The following ADAM22 variants were observed in gnomAD, a reference collection of about 807,000 sequenced individuals.
ADAM22 encodes disintegrin and metalloproteinase domain-containing protein 22.
ADAM22 carries 65 observed loss-of-function variants against 144.6 expected under a neutral mutation model. The observed-to-expected ratio is 0.45, with a 90% confidence interval of 0.37 to 0.55. ADAM22 has a LOEUF of 0.55. Among genes scored for constraint, ADAM22 ranks in the 20% least tolerant of loss-of-function variants. The pLI is 0.00. For missense variants in ADAM22, 974 were observed against 1,184.9 expected (o/e 0.82, Z 2.61); for synonymous variants, 391 against 412.6 (o/e 0.95, Z 0.63).
chr7:88,104,855 A>AATG (rs1439574740), intron 4 of ADAM22, among the ~76,000 whole-genome samples: 1 of 152,080 alleles, frequency 6.6e-6, no homozygotes, highest in Non-Finnish European at 1.5e-5. Flanking sequence ...AACATTTAAT[A>AATG]ATGATTCAAC....
intron 2 of ADAM22, among the ~76,000 whole-genome samples, chr7:87,937,049 G>T (rs1841404284): frequency 6.6e-6 from 1 of 152,076 alleles, no homozygotes; most frequent in African/African-American, 2.4e-5. Context: ...TTGACCTCTT[G>T]GGCCCCAGTG....
chr7:88,126,832 G>T (rs868763148), intron 8 of ADAM22, among the ~76,000 whole-genome samples: 1 of 151,824 alleles, frequency 6.6e-6, no homozygotes, highest in Non-Finnish European at 1.5e-5. Context: ...TCAGATGAGA[G>T]ATACTTAACC....
rs184080747 is a variant in ADAM22 at position 87,993,221 on chromosome 7, C to T, written c.323+14809C>T. ...TCCACAGCCTTGCTGAAAAGAGAAC[C>T]CTCTAACTACTAAATGTACACCCCT... On this transcript the variant is annotated intron_variant, in intron 3 of 31. Coordinates refer to ENST00000413139, the MANE Select transcript of ADAM22 (RefSeq NM_001324418.2). Among the ~76,000 whole-genome samples the T allele has an allele frequency of 2.8e-3, 432 of 152,214 alleles. 4 individuals are homozygous for T. The highest frequency in any genetic ancestry group is 5.2e-3 in the Non-Finnish European group (353 of 68,004).
At position 87,935,163 on chromosome 7, in the gene ADAM22, C is replaced by T. The variant is rs750181646; in HGVS notation, c.223C>T (p.Arg75Trp). The T allele has an allele frequency of 6.2e-7, 1 of 1,609,968 alleles. No individual in the cohort carries two copies. Among genetic ancestry groups the T allele is most frequent in the East Asian group, 2.2e-5 (1 of 44,758 alleles). ...GCACGACGCGCTCGACACGCGGGTG[C>T]GGGGCGACCTCGGTGGCCCGCAGGT... ...SRHDALDTRV[R>W]GDLGGPQLTH... The change falls in exon 2 of 32, where the codon CGG becomes TGG. Residue 75 changes from arginine to tryptophan, a missense_variant. Physicochemically the swap from Arg to Trp is moderately radical, Grantham distance 101. Transcript: ENST00000413139.
At chr7:88,063,990 T>C (rs1810551763) in intron 3 of ADAM22, among the ~76,000 whole-genome samples, 2 of 152,080 alleles carry the variant, frequency 1.3e-5, no homozygotes, top group South Asian at 2.1e-4. Context: ...ATGTGAGATA[T>C]AGGAAACAGT....
intron 2 of ADAM22, among the ~76,000 whole-genome samples, chr7:87,939,526 T>G (rs1047626800): frequency 2.0e-5 from 3 of 152,230 alleles, no homozygotes; most frequent in African/African-American, 7.2e-5. Flanking sequence ...ACTGTAGCTG[T>G]GTACTTTAGT....
intron 4 of ADAM22, among the ~76,000 whole-genome samples, chr7:88,095,937 C>A (rs1050192584): frequency 7.5e-6 from 1 of 134,156 alleles, no homozygotes; most frequent in Admixed American, 7.6e-5. Context: ...CCCCACCCCC[C>A]CTTTTTTTAA....
chr7:88,009,293 T>A lies in ADAM22; in HGVS notation c.323+30881T>A, dbSNP rs186507702. Among the ~76,000 whole-genome samples, 38 of 152,322 alleles carry A rather than the reference T, an allele frequency of 2.5e-4. No individual in the cohort carries two copies. The East Asian group carries it at 6.6e-3, about 26-fold the overall frequency. ...TCACAAGTCAGTCAGAAATTTAAAT[T>A]TTCTGGTATGCTCGTATGATTAACT... On this transcript the variant is annotated intron_variant, in intron 3 of 31. Transcript: ENST00000413139.
Position 87,978,327 on chromosome 7 carries a change from A to G in ADAM22, c.247-9A>G, listed in dbSNP as rs900038346. The G allele has an allele frequency of 1.9e-6, 3 of 1,607,360 alleles. No homozygotes were observed. The highest frequency in any genetic ancestry group is 1.7e-6 in the Non-Finnish European group (2 of 1,177,048). On this transcript the variant is annotated splice_polypyrimidine_tract_variant and intron_variant, in intron 2 of 31. Coordinates refer to ENST00000413139, the MANE Select transcript of ADAM22 (RefSeq NM_001324418.2). ...TAATAAATAACCTTTTTTCTTTTTG[A>G]TATTGTAGTTGACTCATGTTGACCA...
chr7:88,155,966 T>A lies in ADAM22; in HGVS notation c.1867T>A (p.Ser623Thr). 6.2e-7 allele frequency: 1 copy of A among 1,613,226 alleles called. No individual in the cohort carries two copies. Among genetic ancestry groups the A allele is most frequent in the South Asian group, 1.1e-5 (1 of 91,044 alleles). The change falls in exon 22 of 32, where the codon TCT (serine) becomes ACT (threonine). Residue 623 changes from serine (S) to threonine (T), a missense_variant. Transcript: ENST00000413139. ...TGGAGAACTCGATGGTGAAATCACATCTACTTTAGTTGTGCAGCAAGGAAG... is the reference window on the plus strand; with the variant it reads ...TGGAGAACTCGATGGTGAAATCACAACTACTTTAGTTGTGCAGCAAGGAAG... Reference protein sequence around the residue: ...RLGELDGEITSTLVVQQGRTL... With the variant: ...RLGELDGEITTTLVVQQGRTL...
chr7:87,960,949 A>G (rs553908105), intron 2 of ADAM22, among the ~76,000 whole-genome samples: 1 of 152,334 alleles, frequency 6.6e-6, no homozygotes, highest in African/African-American at 2.4e-5. Context: ...ATAATAAAAA[A>G]AATTCTTTCT....
intron 2 of ADAM22, among the ~76,000 whole-genome samples, chr7:87,963,714 G>A (rs1848475486): frequency 6.6e-6 from 1 of 152,168 alleles, no homozygotes; most frequent in African/African-American, 2.4e-5. Context: ...AGGCTGAGCA[G>A]CTAATCAGAG....
At chr7:87,952,928 G>A (rs561249056) in intron 2 of ADAM22, among the ~76,000 whole-genome samples, 2,484 of 152,182 alleles carry the variant, frequency 0.016, 71 homozygotes, top group African/African-American at 0.057. Flanking sequence ...GTTTATTTGT[G>A]TAGAGGTGTT....
At chr7:88,088,668 T>C in intron 4 of ADAM22, among the ~76,000 whole-genome samples, 1 of 152,164 alleles carries the variant, frequency 6.6e-6, no homozygotes, top group East Asian at 1.9e-4. Flanking sequence ...TCTCAAATTG[T>C]ATTCAGGATT....
At chr7:87,963,037 T>C (rs1848325360) in intron 2 of ADAM22, among the ~76,000 whole-genome samples, 1 of 152,192 alleles carries the variant, frequency 6.6e-6, no homozygotes, top group African/African-American at 2.4e-5. Context: ...TATTATTGTC[T>C]TGTAAGATAA....
rs569106665 is a variant in ADAM22 at position 88,091,178 on chromosome 7, G to A, written c.390+15486G>A. 4.5e-4 allele frequency among the ~76,000 whole-genome samples: 68 copies of A among 152,136 alleles called. 1 individual carries two copies. The highest frequency in any genetic ancestry group is 2.1e-3 in the South Asian group (10 of 4,820). On this transcript the variant is annotated intron_variant, in intron 4 of 31. Transcript: ENST00000413139. ...TCAGTCTTAGGGGCAAATAACTGCC[G>A]CCAGTAATTTACTGTTAGTCATTTG...
intron 2 of ADAM22, among the ~76,000 whole-genome samples, chr7:87,964,273 C>G (rs2129445777): frequency 6.6e-6 from 1 of 152,322 alleles, no homozygotes; most frequent in East Asian, 1.9e-4. Flanking sequence ...CACACACAAG[C>G]ACTGTTGGAT....
At position 88,123,272 on chromosome 7, in the gene ADAM22, T is replaced by A. The variant is rs1425772649; in HGVS notation, c.608-2317T>A. 2.6e-5 allele frequency among the ~76,000 whole-genome samples: 4 copies of A among 152,066 alleles called. No homozygotes were observed. The South Asian group carries it at 6.2e-4, about 24-fold the overall frequency. ...AGGGTTTTACTGGTCTTATAAGATG[T>A]GTTAGGAAAAGTTTCCAAACTCTTT... On this transcript the variant is annotated intron_variant, in intron 7 of 31. Transcript: ENST00000413139.
intron 30 of ADAM22, among the ~76,000 whole-genome samples, chr7:88,191,983 T>C (rs1317660362): frequency 6.6e-6 from 1 of 152,176 alleles, no homozygotes; most frequent in Non-Finnish European, 1.5e-5. Flanking sequence ...GAGCAAAGGA[T>C]ATTATACGCA....
Sources: allele counts gnomAD v4.1 joint callset (sites outside exome capture counted in the v4.1 genomes callset), GRCh38; gene constraint gnomAD v4.1.1; transcripts MANE v1.5; gene names NCBI Gene and HGNC (gene_info 2026-07-23, HGNC 2026-07-21).